Variants in SLC17A5 observed in about 807,000 individuals in gnomAD.
The protein encoded by SLC17A5 is sialin.
A neutral mutation model predicts 59.4 loss-of-function variants in SLC17A5; 47 were observed. That is an observed-to-expected ratio of 0.79 (90% confidence interval 0.63 to 1.01). The LOEUF (loss-of-function observed/expected upper bound fraction) is 1.01, where lower values mean the gene tolerates loss of function less well. SLC17A5 is among the 50% of genes least tolerant of loss of function. The pLI, the probability that SLC17A5 is intolerant of heterozygous loss-of-function variation, is 0.00. For synonymous variants in SLC17A5, 202 were observed against 210.7 expected (o/e 0.96, Z 0.36); for missense variants, 522 against 595.5 (o/e 0.88, Z 1.28).
intron 9 of SLC17A5, among the ~76,000 whole-genome samples, chr6:73,602,301 C>T (rs956208448): frequency 8.9e-5 from 13 of 146,670 alleles, no homozygotes; most frequent in Non-Finnish European, 1.5e-4. Flanking sequence ...ACAAACACTG[C>T]GGAACGCCGC....
chr6:73,650,637 G>T (rs1188329688), intron 1 of SLC17A5, among the ~76,000 whole-genome samples: 1 of 150,702 alleles, frequency 6.6e-6, no homozygotes, highest in Admixed American at 6.6e-5. Context: ...TGAGGCTGCA[G>T]TAAGACCTGT....
chr6:73,649,006 T>G (rs1407481788), intron 1 of SLC17A5, among the ~76,000 whole-genome samples: 1 of 151,812 alleles, frequency 6.6e-6, no homozygotes, highest in Non-Finnish European at 1.5e-5. Flanking sequence ...TATAATTTTT[T>G]TTTTTTTTGG....
intron 1 of SLC17A5, chr6:73,645,510 G>A (rs1769495335): frequency 1.0e-6 from 1 of 984,978 alleles, no homozygotes. Context: ...AAGGATGCCG[G>A]GCACAGTGGC....
At chr6:73,638,344 G>T in intron 4 of SLC17A5, 68 bp downstream of exon 4, 2 of 1,108,458 alleles carry the variant, frequency 1.8e-6, no homozygotes, top group Non-Finnish European at 2.7e-6. Flanking sequence ...CTGGTATGCA[G>T]GCCCTTTTTC....
chr6:73,653,512 C>A, intron 1 of SLC17A5: 1 of 971,356 alleles, frequency 1.0e-6, no homozygotes. Context: ...CCGCCCCCGC[C>A]CCCGCCCCCG....
intron 7 of SLC17A5, among the ~76,000 whole-genome samples, chr6:73,619,922 G>GTTTTT (rs1174723514): frequency 1.3e-4 from 15 of 119,134 alleles, no homozygotes; most frequent in East Asian, 2.4e-4. Context: ...TTGAGAATTT[G>GTTTTT]TTTTTTTTTT....
chr6:73,621,607 T>G (rs1449670968), intron 7 of SLC17A5, among the ~76,000 whole-genome samples, 197 bp downstream of exon 7: 1 of 152,226 alleles, frequency 6.6e-6, no homozygotes, highest in Non-Finnish European at 1.5e-5. Context: ...AGATGTTTGA[T>G]TTATAAATGC....
In SLC17A5 at chr6:73,619,940, T is replaced by C. The variant is rs1768060967; in HGVS notation, c.978+1864A>G. ...AGAATTTGTTTTTTTTTTTTTTTTT[T>C]TGAGATGGAGTCTTGCTCTGTTGCC... On this transcript the variant is annotated intron_variant, in intron 7 of 10. Coordinates refer to ENST00000355773, the MANE Select transcript of SLC17A5 (RefSeq NM_012434.5). Among the ~76,000 whole-genome samples, 5 of 149,088 alleles carry C rather than the reference T, an allele frequency of 3.4e-5. No individual in the cohort carries two copies. In the South Asian group the frequency reaches 1.1e-3, roughly 31 times the overall value.
rs1481238285 is a variant in SLC17A5 at position 73,594,675 on chromosome 6, C to A, written c.*402G>T. 8.3e-6 allele frequency: 2 copies of A among 239,594 alleles called. No homozygotes were observed. The highest frequency in any genetic ancestry group is 1.6e-5 in the Non-Finnish European group (2 of 121,824). The allele number at this position is 239,594 out of a possible 1,614,324, so 14.8% of individuals were successfully genotyped here. The stretch of plus-strand genomic sequence containing the variant: ...TTTGAGGTCTAAGTGTCAGAGAGAG[C>A]TGACAATTTTTATGAGGAAAGTGAA... On this transcript the variant is annotated 3_prime_UTR_variant, in exon 11 of 11. Transcript: ENST00000355773.
chr6:73,642,283 C>A (rs532066004), intron 2 of SLC17A5, among the ~76,000 whole-genome samples: 7 of 152,270 alleles, frequency 4.6e-5, no homozygotes, highest in South Asian at 2.1e-4. Flanking sequence ...CTGCCGCCCC[C>A]CCGGCCCTGC....
At chr6:73,619,927 T>G (rs1029547999) in intron 7 of SLC17A5, among the ~76,000 whole-genome samples, 3 of 148,922 alleles carry the variant, frequency 2.0e-5, no homozygotes, top group African/African-American at 4.9e-5. Flanking sequence ...AATTTGTTTT[T>G]TTTTTTTTTT....
At chr6:73,616,898 C>T (rs996083926) in intron 7 of SLC17A5, among the ~76,000 whole-genome samples, 7 of 152,054 alleles carry the variant, frequency 4.6e-5, no homozygotes, top group Non-Finnish European at 1.0e-4. Flanking sequence ...TGAGCCACCG[C>T]GCCTGGCCTC....
intron 1 of SLC17A5, chr6:73,653,398 C>G (rs1769962002): frequency 1.0e-6 from 1 of 985,410 alleles, no homozygotes. Context: ...GGACCTTAGC[C>G]CATTCATTTG....
intron 9 of SLC17A5, among the ~76,000 whole-genome samples, chr6:73,602,497 G>C (rs867459966): frequency 2.0e-5 from 3 of 152,112 alleles, no homozygotes; most frequent in African/African-American, 4.8e-5. Context: ...GAGGAAGGCT[G>C]GGCGCGGTGG....
At chr6:73,620,339 A>C (rs73754639) in intron 7 of SLC17A5, among the ~76,000 whole-genome samples, 7 of 146,156 alleles carry the variant, frequency 4.8e-5, no homozygotes, top group African/African-American at 8.0e-5. Context: ...TATATTATTT[A>C]TTTCTTTCTT....
rs1002915974 is a variant in SLC17A5, at chr6:73,632,191, C to T, written c.819+3191G>A. Among the ~76,000 whole-genome samples, 7 of 146,778 alleles carry T rather than the reference C, an allele frequency of 4.8e-5. 1 individual carries two copies. Among genetic ancestry groups the T allele is most frequent in the East Asian group, 2.0e-4 (1 of 4,930 alleles). On this transcript the variant is annotated intron_variant, in intron 6 of 10. Coordinates refer to ENST00000355773, the MANE Select transcript of SLC17A5 (RefSeq NM_012434.5). ...GTGTGCACCTGTAGTCCCAGCTACTCGAGAGGCTGAGGTGGGAAGACTGCT... is the reference window on the plus strand; with the variant it reads ...GTGTGCACCTGTAGTCCCAGCTACTTGAGAGGCTGAGGTGGGAAGACTGCT...
intron 6 of SLC17A5, among the ~76,000 whole-genome samples, chr6:73,633,658 C>T (rs1311876826): frequency 1.3e-5 from 2 of 151,846 alleles, no homozygotes; most frequent in Admixed American, 6.6e-5. Context: ...GTGGGAGGAT[C>T]GCTTGAGGCC....
intron 3 of SLC17A5, 82 bp from the exon 4 acceptor site, chr6:73,638,581 C>T: frequency 9.0e-7 from 1 of 1,105,868 alleles, no homozygotes; most frequent in Non-Finnish European, 1.4e-6. Context: ...TATTTTGCTA[C>T]AAAAGCATTT....
intron 2 of SLC17A5, among the ~76,000 whole-genome samples, chr6:73,643,446 C>T (rs1003993239): frequency 6.6e-6 from 1 of 151,316 alleles, no homozygotes; most frequent in Non-Finnish European, 1.5e-5. Context: ...AGGTGTGAGC[C>T]ACCGCGCCCG....
Sources: allele counts gnomAD v4.1 joint callset (sites outside exome capture counted in the v4.1 genomes callset), GRCh38; gene constraint gnomAD v4.1.1; transcripts MANE v1.5; gene names NCBI Gene and HGNC (gene_info 2026-07-23, HGNC 2026-07-21).